Variants in GPR107 observed in about 807,000 individuals in gnomAD.
The protein encoded by GPR107 is G protein-coupled receptor 107, also known as protein GPR107.
In GPR107, 31 loss-of-function variants were observed where a neutral mutation model predicts 75.5. The ratio of observed to expected loss-of-function variants is 0.41; its 90% CI spans 0.31 to 0.55. The LOEUF (loss-of-function observed/expected upper bound fraction) is 0.55, where lower values mean the gene tolerates loss of function less well. Among genes scored for constraint, GPR107 ranks in the 20% least tolerant of loss-of-function variants. The pLI, the probability that GPR107 is intolerant of heterozygous loss-of-function variation, is 0.26. For missense variants in GPR107, 572 were observed against 665.7 expected (o/e 0.86, Z 1.55); for synonymous variants, 267 against 251.3 (o/e 1.06, Z -0.59).
chr9:130,072,801 G>A (rs1369818915), intron 1 of GPR107, among the ~76,000 whole-genome samples: 1 of 152,098 alleles, frequency 6.6e-6, no homozygotes, highest in Non-Finnish European at 1.5e-5. Context: ...CTGTATTGTG[G>A]TGGCCTAAGT....
intron 14 of GPR107, among the ~76,000 whole-genome samples, chr9:130,122,960 C>G (rs1270005134): frequency 1.3e-5 from 2 of 152,154 alleles, no homozygotes; most frequent in Non-Finnish European, 2.9e-5. Flanking sequence ...TGCCACTGCA[C>G]TACAGCCTGG....
intron 17 of GPR107, among the ~76,000 whole-genome samples, chr9:130,132,256 G>A (rs1417506367): frequency 6.6e-6 from 1 of 152,156 alleles, no homozygotes; most frequent in Non-Finnish European, 1.5e-5. Flanking sequence ...TGCAGTGCCA[G>A]TTTCCTGGCC....
At chr9:130,076,602 C>T (rs533833970) in intron 3 of GPR107, 140 bp downstream of exon 3, 7 of 657,690 alleles carry the variant, frequency 1.1e-5, no homozygotes, top group African/African-American at 8.9e-5. Flanking sequence ...GCAACCTTGA[C>T]CTCCCAGGCT....
At chr9:130,115,095 CT>C (rs1272366570) in intron 14 of GPR107, among the ~76,000 whole-genome samples, 1 of 152,118 alleles carries the variant, frequency 6.6e-6, no homozygotes, top group Non-Finnish European at 1.5e-5. Context: ...ATATTTAATT[CT>C]TATTTTTCAT....
At position 130,100,667 on chromosome 9, in the gene GPR107, C is replaced by T. The variant is rs773668938; in HGVS notation, c.978C>T (p.Ile326=). ...ACATCTCCTCCCAGGGCTTCCCTAT[C>T]GAAGGCTGGGCTGTTGTGTACTACA... The part of the protein sequence containing the change: ...YHYISSQGFP[I]EGWAVVYYIT... The change falls in exon 11 of 18, where the codon ATC becomes ATT. Residue 326 remains isoleucine, a synonymous_variant. Coordinates refer to ENST00000347136, the MANE Select transcript of GPR107 (RefSeq NM_020960.5). 8 of 1,613,070 alleles carry T rather than the reference C, an allele frequency of 5.0e-6. No homozygotes were observed. Among genetic ancestry groups the T allele is most frequent in the South Asian group, 2.2e-5 (2 of 91,072 alleles).
intron 9 of GPR107, among the ~76,000 whole-genome samples, chr9:130,094,524 GTT>G (rs1026286782): frequency 1.1e-4 from 16 of 152,112 alleles, no homozygotes; most frequent in African/African-American, 3.6e-4. Flanking sequence ...AGTGAACTAT[GTT>G]TGTGCCACTG....
chr9:130,064,390 C>T (rs997828503), intron 1 of GPR107, among the ~76,000 whole-genome samples: 43 of 150,366 alleles, frequency 2.9e-4, no homozygotes, highest in Non-Finnish European at 4.7e-4. Context: ...TTAGTAGAGA[C>T]GGGGTTTCAC....
In GPR107 at chr9:130,062,664, T is replaced by TG. The variant is rs1564657740; in HGVS notation, c.141+8591_141+8592insG. ...TGCCTGCCTGCCTGCCTGCCTGCCT[T>TG]CCTTCCTTCCTTCCTTCCTTCCTTC... is the stretch of plus-strand genomic sequence containing the variant. On this transcript the variant is annotated intron_variant, in intron 1 of 17. Coordinates refer to ENST00000347136, the MANE Select transcript of GPR107 (RefSeq NM_020960.5). Among the ~76,000 whole-genome samples the TG allele has an allele frequency of 9.5e-3, 718 of 75,740 alleles. 11 individuals carry two copies. The highest frequency in any genetic ancestry group is 0.037 in the African/African-American group (668 of 18,048). 49.7% of individuals were successfully genotyped at this position (75,740 alleles called of 152,430 possible).
rs376673076 is a variant in GPR107 at position 130,056,067 on chromosome 9, CA to C, written c.141+1995del. 8.9e-3 allele frequency among the ~76,000 whole-genome samples: 627 copies of C among 70,842 alleles called. 6 individuals are homozygous for C. Among genetic ancestry groups the C allele is most frequent in the African/African-American group, 0.031 (602 of 19,168 alleles). The allele number at this position is 70,842 out of a possible 152,430, so 46.5% of individuals were successfully genotyped here. A position where few individuals can be genotyped will look rare whatever the true frequency, so the allele number is the denominator to read the frequency against. ...TATCCTGATTAAAATGGTTCAATCA[CA>C]GGGGTGGGGGTGGGGCAAGTGAATT... On this transcript the variant is annotated intron_variant, in intron 1 of 17. Coordinates refer to ENST00000347136, the MANE Select transcript of GPR107 (RefSeq NM_020960.5).
chr9:130,110,348 GTT>G, intron 14 of GPR107: 1 of 1,480,080 alleles, frequency 6.8e-7, no homozygotes, highest in Non-Finnish European at 9.2e-7. Flanking sequence ...ACACAAGGCA[GTT>G]TCTCATTTTT....
chr9:130,081,925 C>T (rs547219447), intron 5 of GPR107, among the ~76,000 whole-genome samples: 47 of 152,114 alleles, frequency 3.1e-4, no homozygotes, highest in African/African-American at 1.1e-3. Context: ...GTCTAATTGC[C>T]TCACAGTTCT....
intron 9 of GPR107, 27 bp downstream of exon 9, chr9:130,092,408 G>C: frequency 6.3e-7 from 1 of 1,592,084 alleles, no homozygotes; most frequent in Non-Finnish European, 8.6e-7. Context: ...TTCAACTTAA[G>C]AGTGTGTTGA....
rs11461385 is a variant in GPR107 at position 130,125,090 on chromosome 9, CTTTTTT to C, written c.1356+144_1356+149del. ...ACCTGGAGCTGAGCAGTGTGGCTTGCTTTTTTTTTTTTTTTTTTTTTTTCTGGAGAC... is the reference window on the plus strand; with the variant it reads ...ACCTGGAGCTGAGCAGTGTGGCTTGCTTTTTTTTTTTTTTTTTCTGGAGAC... On this transcript the variant is annotated intron_variant, in intron 15 of 17. Coordinates refer to ENST00000347136, the MANE Select transcript of GPR107 (RefSeq NM_020960.5). The C allele has an allele frequency of 4.4e-5, 7 of 158,182 alleles. 1 individual carries two copies. The highest frequency in any genetic ancestry group is 3.0e-4 in the East Asian group (1 of 3,318). The allele number at this position is 158,182 out of a possible 1,614,324, so 9.8% of individuals were successfully genotyped here.
At chr9:130,089,140 A>C (rs1830676794) in intron 7 of GPR107, among the ~76,000 whole-genome samples, 1 of 152,070 alleles carries the variant, frequency 6.6e-6, no homozygotes, top group Admixed American at 6.6e-5. Flanking sequence ...ACTGCACTCC[A>C]GCTCGGGCGA....
At chr9:130,129,010 C>A (rs1445882062) in intron 17 of GPR107, 1 of 386,406 alleles carries the variant, frequency 2.6e-6, no homozygotes, top group South Asian at 3.6e-5. Context: ...ATCATTGGAG[C>A]CTGCTTTCAA....
Position 130,103,870 on chromosome 9 carries a change from T to G in GPR107, c.1132-550T>G, listed in dbSNP as rs1220442576. On this transcript the variant is annotated intron_variant, in intron 12 of 17. Coordinates refer to ENST00000347136, the MANE Select transcript of GPR107 (RefSeq NM_020960.5). The surrounding 1 kb of genome is among the most constrained non-coding windows in gnomAD (Gnocchi z 4.3). ...TTAAAACGACAATAACCCGTCATTCTCTCTCTCAGTTTCTGTGGGTTAGGA... is the reference window on the plus strand; with the variant it reads ...TTAAAACGACAATAACCCGTCATTCGCTCTCTCAGTTTCTGTGGGTTAGGA... 1.3e-5 allele frequency among the ~76,000 whole-genome samples: 2 copies of G among 152,080 alleles called. No homozygotes were observed. Among genetic ancestry groups the G allele is most frequent in the Admixed American group, 1.3e-4 (2 of 15,256 alleles).
chr9:130,059,305 T>C (rs7857910), intron 1 of GPR107, among the ~76,000 whole-genome samples: 6,224 of 152,166 alleles, frequency 0.041, 426 homozygotes, highest in African/African-American at 0.14. Flanking sequence ...CTAGCCAACA[T>C]GGTAAAACCC....
At chr9:130,089,626 T>G (rs1351827428) in intron 7 of GPR107, among the ~76,000 whole-genome samples, 1 of 152,218 alleles carries the variant, frequency 6.6e-6, no homozygotes, top group Non-Finnish European at 1.5e-5. Context: ...CTATGATGAT[T>G]CTATTGATTT....
chr9:130,096,665 A>G (rs1314289585), intron 9 of GPR107, among the ~76,000 whole-genome samples: 2 of 151,946 alleles, frequency 1.3e-5, no homozygotes, highest in East Asian at 3.9e-4. Flanking sequence ...ACGGGGTTTC[A>G]CTACGTTGGC....
Sources: allele counts gnomAD v4.1 joint callset (sites outside exome capture counted in the v4.1 genomes callset), GRCh38; gene constraint gnomAD v4.1.1; non-coding constraint Gnocchi (gnomAD v3.1); transcripts MANE v1.5; gene names NCBI Gene and HGNC (gene_info 2026-07-23, HGNC 2026-07-21).